PDHX: variants seen among roughly 807,000 people sequenced by gnomAD.
PDHX encodes pyruvate dehydrogenase protein X component, mitochondrial.
In PDHX, 33 loss-of-function variants were observed where a neutral mutation model predicts 55.3. The ratio of observed to expected loss-of-function variants is 0.60; its 90% confidence interval spans 0.45 to 0.80. The LOEUF (loss-of-function observed/expected upper bound fraction) is 0.80. Among genes scored for constraint, PDHX ranks in the 30% least tolerant of loss-of-function variants. The probability of loss-of-function intolerance (pLI) is 0.00; values close to 1 mark genes in which losing one functional copy is unlikely to be tolerated. For synonymous variants in PDHX, 226 were observed against 219.4 expected (o/e 1.03, Z -0.27); for missense variants, 622 against 619.9 (o/e 1.00, Z -0.04).
intron 7 of PDHX, among the ~76,000 whole-genome samples, chr11:34,972,147 C>G (rs1454827045): frequency 1.3e-5 from 2 of 151,656 alleles, no homozygotes; most frequent in African/African-American, 4.8e-5. Context: ...TTCTGTTGAT[C>G]TCGATCTCTT....
In PDHX at chr11:34,986,307, C is replaced by CAAA. The variant is rs755119406; in HGVS notation, c.1182+1596_1182+1598dup. ...GATGACAGAGCAAGACACTGTATCTCAAAAAAAAAAAAAAAAAAAGAAAGG... is the reference window on the plus strand; with the variant it reads ...GATGACAGAGCAAGACACTGTATCTCAAAAAAAAAAAAAAAAAAAAAAGAAAGG... On this transcript the variant is annotated intron_variant, in intron 9 of 10. Coordinates refer to ENST00000227868, the MANE Select transcript of PDHX (RefSeq NM_003477.3). Among the ~76,000 whole-genome samples, 184 of 65,078 alleles carry CAAA rather than the reference C, an allele frequency of 2.8e-3. 1 individual carries two copies. The highest frequency in any genetic ancestry group is 6.2e-3 in the African/African-American group (164 of 26,360). 42.7% of individuals were successfully genotyped at this position (65,078 alleles called of 152,430 possible).
chr11:34,917,199 GA>G, intron 1 of PDHX, among the ~76,000 whole-genome samples: 1 of 152,168 alleles, frequency 6.6e-6, no homozygotes, highest in South Asian at 2.1e-4. Context: ...TGCCGAGATT[GA>G]AAAGCCACTG....
intron 6 of PDHX, among the ~76,000 whole-genome samples, chr11:34,968,757 A>G (rs537271649): frequency 5.3e-5 from 8 of 152,290 alleles, no homozygotes; most frequent in East Asian, 1.9e-4. Flanking sequence ...TTTAATTTCA[A>G]AATATTGGAA....
At chr11:34,968,252 C>A (rs1590757986) in intron 6 of PDHX, among the ~76,000 whole-genome samples, 1 of 128,886 alleles carries the variant, frequency 7.8e-6, no homozygotes, top group Middle Eastern at 3.8e-3. Context: ...TAGAGGAAGA[C>A]CCTATCTCAA....
At chr11:34,916,145 T>A, upstream of PDHX, 1 of 1,533,018 alleles carries the variant, frequency 6.5e-7, no homozygotes, top group Non-Finnish European at 8.8e-7. Context: ...CCCGGCCCGC[T>A]ACCCTGCGCC....
rs565565054 is a variant in PDHX, at chr11:34,984,772, C to G, written c.1182+44C>G. On this transcript the variant is annotated intron_variant, in intron 9 of 10. Transcript: ENST00000227868. Reference sequence around the variant, plus strand: ...TGTGCTTTCAAAATGTTAGCATATACTTTTGGATAATTACTTTCTGATAAA... The same window carrying G: ...TGTGCTTTCAAAATGTTAGCATATAGTTTTGGATAATTACTTTCTGATAAA... 42 of 1,573,444 alleles carry G rather than the reference C, an allele frequency of 2.7e-5. 1 individual carries two copies. Among genetic ancestry groups the G allele is most frequent in the Non-Finnish European group, 2.7e-5 (31 of 1,143,770 alleles).
chr11:34,928,940 C>T (rs888500760), intron 1 of PDHX, among the ~76,000 whole-genome samples: 3 of 152,098 alleles, frequency 2.0e-5, no homozygotes, highest in African/African-American at 7.2e-5. Context: ...ACTTATTTTA[C>T]TAAGTAAAAA....
intron 2 of PDHX, among the ~76,000 whole-genome samples, chr11:34,939,468 GGTGTGTGTGTGTGTGTGT>G (rs68165754): frequency 1.3e-5 from 2 of 149,082 alleles, no homozygotes; most frequent in African/African-American, 2.5e-5. Context: ...TTTTACTAAT[GGTGTGTGTGTGTGTGTGT>G]GTGTGTGTGT....
intron 5 of PDHX, among the ~76,000 whole-genome samples, chr11:34,963,423 T>A (rs1160413429): frequency 6.6e-6 from 1 of 152,090 alleles, no homozygotes; most frequent in Non-Finnish European, 1.5e-5. Flanking sequence ...GGACTACAGG[T>A]GTGCCACCAT....
chr11:34,968,283 T>C (rs578012607), intron 6 of PDHX, among the ~76,000 whole-genome samples: 88 of 151,888 alleles, frequency 5.8e-4, no homozygotes, highest in Non-Finnish European at 1.0e-3. Context: ...AAAAAGTTAT[T>C]CAAATTAAGG....
intron 2 of PDHX, among the ~76,000 whole-genome samples, chr11:34,934,571 ATTTTTTTTTTTTT>A (rs35227178): frequency 1.1e-5 from 1 of 92,414 alleles, no homozygotes; most frequent in Non-Finnish European, 2.0e-5. Context: ...GATATTATGG[ATTTTTTTTTTTTT>A]TTTTTTTTTT....
At chr11:34,920,353 C>T (rs139072005) in intron 1 of PDHX, among the ~76,000 whole-genome samples, 3 of 151,820 alleles carry the variant, frequency 2.0e-5, no homozygotes, top group Non-Finnish European at 4.4e-5. Flanking sequence ...ATCTTGGTGG[C>T]GATTTGCCTA....
intron 5 of PDHX, among the ~76,000 whole-genome samples, chr11:34,963,086 A>G (rs1855055633): frequency 6.6e-6 from 1 of 152,128 alleles, no homozygotes; most frequent in Non-Finnish European, 1.5e-5. Context: ...GGATCCTGAA[A>G]GCATATATTA....
In PDHX at chr11:34,960,320, G is replaced by A. The variant is rs1208136259; in HGVS notation, c.543-100G>A. The A allele has an allele frequency of 3.9e-6, 3 of 772,238 alleles. No individual in the cohort carries two copies. In the South Asian group the frequency reaches 4.6e-5, roughly 12 times the overall value. 47.8% of individuals were successfully genotyped at this position (772,238 alleles called of 1,614,324 possible). ...GGGAGTCATTTTAGCTTTATTATAA[G>A]ATTTTTTTTTAATTATTTGCGAAAC... On this transcript the variant is annotated intron_variant, in intron 4 of 10. Coordinates refer to ENST00000227868, the MANE Select transcript of PDHX (RefSeq NM_003477.3).
At position 34,987,485 on chromosome 11, in the gene PDHX, GAGAA is replaced by G. The variant is rs530954756; in HGVS notation, c.1182+2764_1182+2767del. On this transcript the variant is annotated intron_variant, in intron 9 of 10. Transcript: ENST00000227868. The stretch of plus-strand genomic sequence containing the variant: ...TTTACAGGAGAGAGAGAGAGCAAAA[GAGAA>G]AGAAAGTTTATGTGTGTGTGTGTAT... 3.5e-4 allele frequency among the ~76,000 whole-genome samples: 53 copies of G among 152,236 alleles called. No individual in the cohort carries two copies. In the South Asian group the frequency reaches 0.01, roughly 29 times the overall value.
chr11:34,985,935 A>G (rs936179252), intron 9 of PDHX, among the ~76,000 whole-genome samples: 2 of 152,190 alleles, frequency 1.3e-5, no homozygotes, highest in Non-Finnish European at 2.9e-5. Flanking sequence ...ACTAGAATCA[A>G]TATTTTTAGG....
At chr11:34,916,538 G>A, upstream of PDHX, 1 of 1,484,954 alleles carries the variant, frequency 6.7e-7, no homozygotes, top group South Asian at 1.3e-5. Flanking sequence ...GGGGGTTCAA[G>A]TCTGAGAGAC....
intron 2 of PDHX, among the ~76,000 whole-genome samples, chr11:34,933,892 T>C (rs1219929867): frequency 1.3e-5 from 2 of 152,116 alleles, no homozygotes; most frequent in South Asian, 4.1e-4. Context: ...ACATTAAATA[T>C]ATTTGAATCC....
intron 2 of PDHX, 61 bp from the exon 3 acceptor site, chr11:34,947,445 C>T (rs113260484): frequency 9.6e-7 from 1 of 1,045,178 alleles, no homozygotes; most frequent in East Asian, 2.5e-5. Flanking sequence ...TTCATACGTA[C>T]ATATATACAT....
Sources: allele counts gnomAD v4.1 joint callset (sites outside exome capture counted in the v4.1 genomes callset), GRCh38; gene constraint gnomAD v4.1.1; transcripts MANE v1.5; gene names NCBI Gene and HGNC (gene_info 2026-07-23, HGNC 2026-07-21).